The following SEPTIN11 variants were observed in gnomAD, a reference collection of about 807,000 sequenced individuals.
SEPTIN11 encodes the protein septin-11.
A neutral mutation model predicts 51.4 loss-of-function variants in SEPTIN11; 25 were observed. That is an observed-to-expected ratio of 0.49 (90% CI 0.35 to 0.68). SEPTIN11 has a LOEUF of 0.68. Ranked by LOEUF, SEPTIN11 falls within the 30% of genes least tolerant of loss-of-function variation. SEPTIN11 has a pLI of 0.00. For missense variants in SEPTIN11, 381 were observed against 520.8 expected (o/e 0.73, Z 2.61); for synonymous variants, 174 against 184.1 (o/e 0.95, Z 0.44).
intron 7 of SEPTIN11, among the ~76,000 whole-genome samples, chr4:77,025,528 CA>C (rs1039455489): frequency 4.0e-5 from 6 of 149,904 alleles, no homozygotes; most frequent in African/African-American, 1.5e-4. Flanking sequence ...CTGGGTGAGA[CA>C]GTAGGAACCT....
rs1236932555 is a variant in SEPTIN11, at chr4:76,984,321, T to C, written c.28-12104T>C. ...ATGACTTGCTTGGAACTGGATTGGATTTTTTTTTTTTCTTCTCTCACAGAG... is the reference window on the plus strand; with the variant it reads ...ATGACTTGCTTGGAACTGGATTGGACTTTTTTTTTTTCTTCTCTCACAGAG... On this transcript the variant is annotated intron_variant, in intron 1 of 9. Transcript: ENST00000264893. The surrounding 1 kb of genome is among the most constrained non-coding windows in gnomAD (Gnocchi z 4.1). Among the ~76,000 whole-genome samples, 1 of 145,758 alleles carries C rather than the reference T, an allele frequency of 6.9e-6. No homozygotes were observed. The highest frequency in any genetic ancestry group is 1.5e-5 in the Non-Finnish European group (1 of 66,234).
intron 3 of SEPTIN11, among the ~76,000 whole-genome samples, chr4:77,007,974 C>T (rs993398542): frequency 1.3e-5 from 2 of 152,164 alleles, no homozygotes; most frequent in African/African-American, 4.8e-5. Context: ...GGGGATTAGG[C>T]AAGCTTTTCT....
chr4:77,034,397 C>T (rs1464211834), intron 9 of SEPTIN11, 100 bp from the exon 10 acceptor site: 10 of 1,016,854 alleles, frequency 9.8e-6, no homozygotes, highest in Middle Eastern at 3.2e-4. Context: ...ATTGCATGAG[C>T]ATTCACCATC....
At chr4:76,956,373 A>C (rs1192640625) in intron 1 of SEPTIN11, among the ~76,000 whole-genome samples, 1 of 152,242 alleles carries the variant, frequency 6.6e-6, no homozygotes, top group African/African-American at 2.4e-5. Flanking sequence ...TGGGAGAGCT[A>C]GGCTTTGGAA....
intron 1 of SEPTIN11, among the ~76,000 whole-genome samples, chr4:76,980,843 C>T (rs945988909): frequency 6.6e-6 from 1 of 152,188 alleles, no homozygotes; most frequent in Admixed American, 6.5e-5. Context: ...CACCCTGAGT[C>T]TCATTTAACT....
chr4:77,013,443 C>T (rs1725013295), intron 4 of SEPTIN11, among the ~76,000 whole-genome samples: 1 of 152,210 alleles, frequency 6.6e-6, no homozygotes, highest in African/African-American at 2.4e-5. Flanking sequence ...TGCTTGATTT[C>T]TCTATCTCCT....
chr4:77,032,923 A>G (rs866874574), intron 9 of SEPTIN11, among the ~76,000 whole-genome samples: 2 of 152,048 alleles, frequency 1.3e-5, no homozygotes, highest in African/African-American at 4.8e-5. Flanking sequence ...GGGCCTTACC[A>G]ATGTGTAATG....
chr4:76,971,973 A>G (rs1722267076), intron 1 of SEPTIN11, among the ~76,000 whole-genome samples: 1 of 152,226 alleles, frequency 6.6e-6, no homozygotes, highest in Non-Finnish European at 1.5e-5. Context: ...TTAACTAAAG[A>G]TGGCCGGTGG....
intron 1 of SEPTIN11, among the ~76,000 whole-genome samples, chr4:76,966,041 CAGAGTCTGCCCT>C (rs1179958286): frequency 2.0e-5 from 3 of 152,222 alleles, no homozygotes; most frequent in African/African-American, 7.2e-5. Flanking sequence ...TTGTCTCCAG[CAGAGTCTGCCCT>C]TTGTGTTCCC....
At chr4:76,957,009 A>ATGTGTGTGTGT (rs1721593229) in intron 1 of SEPTIN11, among the ~76,000 whole-genome samples, 3 of 47,436 alleles carry the variant, frequency 6.3e-5, no homozygotes, top group East Asian at 3.6e-4. Flanking sequence ...AGAGAGAGAC[A>ATGTGTGTGTGT]GAGACAGAGA....
chr4:77,005,452 G>C, intron 2 of SEPTIN11, 149 bp from the exon 3 acceptor site: 1 of 652,656 alleles, frequency 1.5e-6, no homozygotes, highest in Non-Finnish European at 2.5e-6. Context: ...ATTACACATA[G>C]AAAGAATTAT....
At chr4:76,980,994 A>G (rs1482524761) in intron 1 of SEPTIN11, among the ~76,000 whole-genome samples, 1 of 152,234 alleles carries the variant, frequency 6.6e-6, no homozygotes, top group Non-Finnish European at 1.5e-5. Flanking sequence ...CCATTCACAT[A>G]TCCCATACTC....
At chr4:76,956,993 T>TGTGTGTGTGTGTGTGTGTGTGTGAGA (rs769320568) in intron 1 of SEPTIN11, among the ~76,000 whole-genome samples, 5 of 98,582 alleles carry the variant, frequency 5.1e-5, no homozygotes, top group African/African-American at 1.6e-4. Flanking sequence ...TGTGTGTGTG[T>TGTGTGTGTGTGTGTGTGTGTGTGAGA]GAGAGAGAGA....
At chr4:76,965,880 C>G (rs1321531585) in intron 1 of SEPTIN11, among the ~76,000 whole-genome samples, 1 of 152,124 alleles carries the variant, frequency 6.6e-6, no homozygotes, top group Non-Finnish European at 1.5e-5. Context: ...CTTGTATCAT[C>G]GGAAATGCTC....
At chr4:77,014,772 T>C in intron 4 of SEPTIN11, 84 bp from the exon 5 acceptor site, 1 of 1,419,884 alleles carries the variant, frequency 7.0e-7, no homozygotes, top group Non-Finnish European at 9.8e-7. Context: ...GGTTTTGCAA[T>C]TTTTATTTGT....
chr4:76,991,244 A>G (rs1453666866), intron 1 of SEPTIN11, among the ~76,000 whole-genome samples: 1 of 152,142 alleles, frequency 6.6e-6, no homozygotes. Context: ...TCTCCTCCCA[A>G]CAACCCTGCC....
chr4:77,001,542 G>A (rs954958492), intron 2 of SEPTIN11, among the ~76,000 whole-genome samples: 2 of 151,978 alleles, frequency 1.3e-5, no homozygotes, highest in African/African-American at 4.8e-5. Context: ...TAGAGACGGG[G>A]TTTCACCATG....
chr4:77,012,073 T>G, intron 4 of SEPTIN11, 152 bp downstream of exon 4: 1 of 453,800 alleles, frequency 2.2e-6, no homozygotes, highest in East Asian at 3.5e-5. Flanking sequence ...TCAAAACCTC[T>G]TGCCTGTTAG....
chr4:76,963,256 C>T (rs935006548), intron 1 of SEPTIN11, among the ~76,000 whole-genome samples: 2 of 152,176 alleles, frequency 1.3e-5, no homozygotes, highest in African/African-American at 2.4e-5. Flanking sequence ...CCACTAAACC[C>T]GTTGCACACA....
Sources: allele counts gnomAD v4.1 joint callset (sites outside exome capture counted in the v4.1 genomes callset), GRCh38; gene constraint gnomAD v4.1.1; non-coding constraint Gnocchi (gnomAD v3.1); transcripts MANE v1.5; gene names NCBI Gene and HGNC (gene_info 2026-07-23, HGNC 2026-07-21).